The following C7 variants were observed in gnomAD, a reference collection of about 807,000 sequenced individuals.
The protein encoded by C7 is complement C7.
In C7, 83 loss-of-function variants were observed where a neutral mutation model predicts 104.8. The ratio of observed to expected loss-of-function variants is 0.79; its 90% confidence interval spans 0.66 to 0.95. C7 has a LOEUF of 0.95. Among genes scored for constraint, C7 ranks in the 40% least tolerant of loss-of-function variants. C7 has a pLI of 0.00. For missense variants in C7, 1,070 were observed against 1,011.2 expected, an observed-to-expected ratio of 1.06 and a Z score of -0.79; for synonymous variants, 415 against 360.6, an observed-to-expected ratio of 1.15 and a Z score of -1.71.
intron 1 of C7, among the ~76,000 whole-genome samples, chr5:40,923,503 T>C (rs966366775): frequency 2.6e-5 from 4 of 152,024 alleles, no homozygotes; most frequent in African/African-American, 7.2e-5. Flanking sequence ...CCTGACACTT[T>C]GGGAGGCTGA....
Position 40,983,591 on chromosome 5 carries a change from G to T in C7, c.*2018G>T, listed in dbSNP as rs1323832527. On this transcript the variant is annotated 3_prime_UTR_variant, in exon 18 of 18. Transcript: ENST00000313164. Reference sequence around the variant, plus strand: ...CCTTTTCTTTTCTGAACATTCTTGTGCTGACCTTTCCTCTAGTCCAACAGA... The same window carrying T: ...CCTTTTCTTTTCTGAACATTCTTGTTCTGACCTTTCCTCTAGTCCAACAGA... Among the ~76,000 whole-genome samples, 1 of 152,120 alleles carries T rather than the reference G, an allele frequency of 6.6e-6. No homozygotes were observed. The highest frequency in any genetic ancestry group is 1.5e-5 in the Non-Finnish European group (1 of 68,024).
chr5:40,932,553 T>C (rs1275886017), intron 3 of C7, among the ~76,000 whole-genome samples: 3 of 152,180 alleles, frequency 2.0e-5, no homozygotes, highest in Non-Finnish European at 4.4e-5. Context: ...AGCATCATCA[T>C]TAAGATCAGG....
intron 14 of C7, among the ~76,000 whole-genome samples, chr5:40,970,699 T>C (rs1740679527): frequency 1.3e-5 from 2 of 152,148 alleles, no homozygotes; most frequent in Non-Finnish European, 2.9e-5. Flanking sequence ...TATCAACCCA[T>C]CATCTAGGTT....
intron 9 of C7, among the ~76,000 whole-genome samples, chr5:40,950,918 G>T (rs1176671474): frequency 6.6e-6 from 1 of 152,182 alleles, no homozygotes; most frequent in African/African-American, 2.4e-5. Context: ...GATCTAGACT[G>T]TGAGGGTACC....
intron 1 of C7, among the ~76,000 whole-genome samples, chr5:40,925,262 T>TCA (rs1739528352): frequency 6.6e-6 from 1 of 152,198 alleles, no homozygotes; most frequent in South Asian, 2.1e-4. Flanking sequence ...CCCTAAGTTA[T>TCA]CACTCTTAAG....
At chr5:40,940,460 T>G (rs1739912734) in intron 6 of C7, among the ~76,000 whole-genome samples, 1 of 152,222 alleles carries the variant, frequency 6.6e-6, no homozygotes, top group African/African-American at 2.4e-5. Context: ...ATGATCAAGG[T>G]GGAAAAACTT....
At position 40,976,735 on chromosome 5, in the gene C7, C is replaced by T; in HGVS notation, c.2075-15C>T. The T allele has an allele frequency of 1.3e-6, 2 of 1,570,528 alleles. No homozygotes were observed. Among genetic ancestry groups the T allele is most frequent in the Middle Eastern group, 1.7e-4 (1 of 5,996 alleles). ...CTTTTCTCCTAACGACCACATCTCC[C>T]TTATCCTTTTTTAGAAAATCCGTTA... On this transcript the variant is annotated splice_polypyrimidine_tract_variant and intron_variant, in intron 15 of 17. Coordinates refer to ENST00000313164, the MANE Select transcript of C7 (RefSeq NM_000587.4).
chr5:40,916,507 C>G (rs1260798011), intron 1 of C7, among the ~76,000 whole-genome samples: 1 of 152,074 alleles, frequency 6.6e-6, no homozygotes, highest in Admixed American at 6.6e-5. Flanking sequence ...CTTGGTATCC[C>G]TCCGGAGTGC....
At chr5:40,949,081 G>A (rs1476423274) in intron 8 of C7, among the ~76,000 whole-genome samples, 1 of 151,914 alleles carries the variant, frequency 6.6e-6, no homozygotes, top group African/African-American at 2.4e-5. Flanking sequence ...TCTAAATTCA[G>A]TTTTACTTCT....
chr5:40,931,368 A>T (rs1326221442), intron 3 of C7, among the ~76,000 whole-genome samples: 3 of 152,202 alleles, frequency 2.0e-5, no homozygotes, highest in African/African-American at 7.2e-5. Flanking sequence ...TCTAGATCTT[A>T]TCTTGGAGCT....
intron 13 of C7, among the ~76,000 whole-genome samples, chr5:40,962,718 G>A (rs1320492464): frequency 6.6e-6 from 1 of 152,136 alleles, no homozygotes; most frequent in Non-Finnish European, 1.5e-5. Flanking sequence ...GTTGTTCTTG[G>A]CTTTTGGGAC....
intron 9 of C7, among the ~76,000 whole-genome samples, chr5:40,952,644 C>A (rs916918278): frequency 6.6e-6 from 1 of 152,098 alleles, no homozygotes; most frequent in African/African-American, 2.4e-5. Context: ...TCCCTCCCCC[C>A]TCTCCCCACC....
At chr5:40,934,599 G>T in intron 4 of C7, 133 bp downstream of exon 4, 5 of 885,490 alleles carry the variant, frequency 5.6e-6, no homozygotes, top group Non-Finnish European at 8.7e-6. Context: ...AATATCATCA[G>T]GATTTTTGTT....
chr5:40,962,202 A>G (rs1322389896), intron 13 of C7, 30 bp downstream of exon 13: 4 of 1,301,382 alleles, frequency 3.1e-6, no homozygotes, highest in South Asian at 2.9e-5. Flanking sequence ...TTTTTCCTTT[A>G]TAATGCTCTA....
intron 8 of C7, 102 bp downstream of exon 8, chr5:40,947,947 C>G: frequency 8.3e-7 from 1 of 1,206,408 alleles, no homozygotes. Flanking sequence ...ATTTGACAAA[C>G]AGAAATTTAA....
chr5:40,957,701 CT>C (rs1740322342), intron 10 of C7, among the ~76,000 whole-genome samples: 1 of 151,854 alleles, frequency 6.6e-6, no homozygotes. Flanking sequence ...GTGATCCCCC[CT>C]GCCGCAGCCT....
At chr5:40,964,667 A>G (rs1182388079) in intron 13 of C7, 74 bp from the exon 14 acceptor site, 1 of 1,301,564 alleles carries the variant, frequency 7.7e-7, no homozygotes, top group East Asian at 2.3e-5. Context: ...TATAGACTGA[A>G]TATATGTAAA....
chr5:40,959,384 G>A, intron 11 of C7, 65 bp from the exon 12 acceptor site: 2 of 1,411,130 alleles, frequency 1.4e-6, no homozygotes, highest in Non-Finnish European at 1.9e-6. Flanking sequence ...TTAGCAGGAA[G>A]CATAGCACTA....
chr5:40,954,039 A>G (rs1740234142), intron 9 of C7, among the ~76,000 whole-genome samples: 1 of 152,202 alleles, frequency 6.6e-6, no homozygotes, highest in Non-Finnish European at 1.5e-5. Flanking sequence ...TCTTGTCATG[A>G]CCATTACAAA....
Sources: gnomAD v4.1 joint callset for allele counts (sites outside exome capture counted in the v4.1 genomes callset) on GRCh38, gnomAD v4.1.1 for gene constraint, MANE v1.5 for transcripts, NCBI Gene and HGNC (gene_info 2026-07-23, HGNC 2026-07-21) for gene names.